The following TMEM267 variants were observed in gnomAD, a reference collection of about 807,000 sequenced individuals.
TMEM267 encodes the protein transmembrane protein C5orf28.
In TMEM267, 20 loss-of-function variants were observed where a neutral mutation model predicts 19.3. The ratio of observed to expected loss-of-function variants is 1.04; its 90% CI spans 0.73 to 1.51. TMEM267 has a LOEUF of 1.51. TMEM267 is among the 40% of genes most tolerant of loss of function. TMEM267 has a pLI of 0.00. For missense variants in TMEM267, 242 were observed against 261.9 expected (o/e 0.92, Z 0.52); for synonymous variants, 88 against 90.3 (o/e 0.97, Z 0.15).
chr5:43,481,105 A>C (rs955598577), intron 1 of TMEM267, among the ~76,000 whole-genome samples: 2 of 134,868 alleles, frequency 1.5e-5, no homozygotes, highest in African/African-American at 2.9e-5. Context: ...CGCCCGGCTT[A>C]CTTTTTTTTT....
chr5:43,459,680 G>C (rs1054236114), intron 1 of TMEM267, among the ~76,000 whole-genome samples: 1 of 152,148 alleles, frequency 6.6e-6, no homozygotes, highest in African/African-American at 2.4e-5. Flanking sequence ...ATGCTTACAT[G>C]TCAAACAACA....
chr5:43,450,818 T>C (rs1227937884), intron 2 of TMEM267, among the ~76,000 whole-genome samples: 1 of 152,102 alleles, frequency 6.6e-6, no homozygotes, highest in Non-Finnish European at 1.5e-5. Context: ...CTAACATTTA[T>C]TGTTTTTTTT....
intron 1 of TMEM267, among the ~76,000 whole-genome samples, chr5:43,456,911 T>C (rs1742985659): frequency 6.6e-6 from 1 of 152,232 alleles, no homozygotes; most frequent in Admixed American, 6.5e-5. Flanking sequence ...TCCCAAAAGC[T>C]TATGTGTACA....
chr5:43,448,790 C>CA (rs1267431734), intron 2 of TMEM267, among the ~76,000 whole-genome samples: 4 of 149,338 alleles, frequency 2.7e-5, no homozygotes, highest in African/African-American at 1.0e-4. Flanking sequence ...AACAACCCCC[C>CA]CCCACAAAAA....
intron 1 of TMEM267, among the ~76,000 whole-genome samples, chr5:43,464,079 C>A (rs1444697823): frequency 6.6e-6 from 1 of 152,154 alleles, no homozygotes; most frequent in Non-Finnish European, 1.5e-5. Flanking sequence ...CCAAAATCTC[C>A]TTAAGTTGAT....
intron 1 of TMEM267, among the ~76,000 whole-genome samples, chr5:43,460,219 T>C (rs931094736): frequency 3.3e-5 from 5 of 152,162 alleles, no homozygotes; most frequent in Non-Finnish European, 7.4e-5. Context: ...GAAGCTTCAC[T>C]TGCTAGCCTG....
rs963406774 is a variant in TMEM267, at chr5:43,471,332, A to G, written c.-75+12490T>C. Among the ~76,000 whole-genome samples the G allele has an allele frequency of 2.6e-5, 4 of 152,278 alleles. No homozygotes were observed. In the South Asian group the frequency reaches 8.3e-4, roughly 32 times the overall value. On this transcript the variant is annotated intron_variant, in intron 1 of 2. Transcript: ENST00000397080. The stretch of plus-strand genomic sequence containing the variant: ...AAAATTATCCATGTTCATGGACTGG[A>G]GGAATCAATATTGTTAAAATGTCCA...
intron 1 of TMEM267, among the ~76,000 whole-genome samples, chr5:43,461,826 A>G (rs956834997): frequency 6.6e-6 from 1 of 152,130 alleles, no homozygotes; most frequent in African/African-American, 2.4e-5. Context: ...TGACTCCCAG[A>G]TGGTACCTCT....
At position 43,462,354 on chromosome 5, in the gene TMEM267, C is replaced by A. The variant is rs141604742; in HGVS notation, c.-74-8311G>T. On this transcript the variant is annotated intron_variant, in intron 1 of 2. Coordinates refer to ENST00000397080, the MANE Select transcript of TMEM267 (RefSeq NM_022483.5). ...CGACAATGAAGCCTACAATAAATACCTAAGTCATCAATGCCCAGACACTGA... is the reference window on the plus strand; with the variant it reads ...CGACAATGAAGCCTACAATAAATACATAAGTCATCAATGCCCAGACACTGA... 1.9e-3 allele frequency among the ~76,000 whole-genome samples: 286 copies of A among 152,250 alleles called. 3 individuals are homozygous for A. Among genetic ancestry groups the A allele is most frequent in the Middle Eastern group, 0.017 (5 of 294 alleles).
intron 1 of TMEM267, among the ~76,000 whole-genome samples, chr5:43,482,452 CT>C (rs1744844190): frequency 6.6e-6 from 1 of 152,172 alleles, no homozygotes. Flanking sequence ...ATTCCTCCCC[CT>C]ACAAATAAAA....
intron 1 of TMEM267, among the ~76,000 whole-genome samples, chr5:43,464,135 A>C (rs1743460928): frequency 6.6e-6 from 1 of 152,200 alleles, no homozygotes; most frequent in Non-Finnish European, 1.5e-5. Context: ...ATGTACAAAA[A>C]TCACAAGCAT....
intron 1 of TMEM267, among the ~76,000 whole-genome samples, chr5:43,475,382 G>A (rs1744353052): frequency 6.6e-6 from 1 of 152,048 alleles, no homozygotes; most frequent in Admixed American, 6.6e-5. Flanking sequence ...TAGGTGGGTG[G>A]GGGGCTAGGG....
At chr5:43,448,833 A>G (rs911671364) in intron 2 of TMEM267, among the ~76,000 whole-genome samples, 1 of 151,948 alleles carries the variant, frequency 6.6e-6, no homozygotes, top group African/African-American at 2.4e-5. Context: ...CCTAGTAACA[A>G]ATACAAAACA....
rs1464823879 is a variant in TMEM267, at chr5:43,456,271, CA to C, written c.-74-2229del. ...CTGAATCTATATCTTACTCCATATA[CA>C]AAAATTATCTCAAAATGAATCACAA... On this transcript the variant is annotated intron_variant, in intron 1 of 2. Transcript: ENST00000397080. Among the ~76,000 whole-genome samples, 6 of 152,134 alleles carry C rather than the reference CA, an allele frequency of 3.9e-5. No individual in the cohort carries two copies. The East Asian group carries it at 1.2e-3, about 29-fold the overall frequency.
chr5:43,459,721 C>T (rs1743146889), intron 1 of TMEM267, among the ~76,000 whole-genome samples: 2 of 152,076 alleles, frequency 1.3e-5, no homozygotes, highest in Non-Finnish European at 2.9e-5. Flanking sequence ...CAATAAAAGG[C>T]ATAATCTGAA....
Position 43,473,066 on chromosome 5 carries a change from A to C in TMEM267, c.-75+10756T>G, listed in dbSNP as rs1376338365. Among the ~76,000 whole-genome samples the C allele has an allele frequency of 5.7e-5, 8 of 141,072 alleles. No homozygotes were observed. In the Admixed American group the frequency reaches 6.1e-4, roughly 11 times the overall value. The allele number at this position is 141,072 out of a possible 152,430, so 92.5% of individuals were successfully genotyped here. A position where few individuals can be genotyped will look rare whatever the true frequency, so the allele number is the denominator to read the frequency against. On this transcript the variant is annotated intron_variant, in intron 1 of 2. Coordinates refer to ENST00000397080, the MANE Select transcript of TMEM267 (RefSeq NM_022483.5). ...GGCAGGAGAATCACTCGAACCCAGG[A>C]GGCGGAGGTTGCAGCAAGACGAGAT... is the stretch of plus-strand genomic sequence containing the variant.
chr5:43,473,272 A>G (rs1374510336), intron 1 of TMEM267, among the ~76,000 whole-genome samples: 1 of 152,162 alleles, frequency 6.6e-6, no homozygotes, highest in Non-Finnish European at 1.5e-5. Flanking sequence ...CAGGCAAGAG[A>G]AAGAAATAAA....
At chr5:43,446,696 C>T (rs1742258353) in intron 2 of TMEM267, 139 bp from the exon 3 acceptor site, 1 of 482,554 alleles carries the variant, frequency 2.1e-6, no homozygotes, top group African/African-American at 2.0e-5. Flanking sequence ...CTTCAGGATA[C>T]ATATACCAAA....
intron 1 of TMEM267, among the ~76,000 whole-genome samples, chr5:43,464,887 C>T (rs1743541721): frequency 6.6e-6 from 1 of 152,268 alleles, no homozygotes; most frequent in South Asian, 2.1e-4. Context: ...ATTCAGGACA[C>T]AGGCATGGGC....
Sources: gnomAD v4.1 joint callset for allele counts (sites outside exome capture counted in the v4.1 genomes callset) on GRCh38, gnomAD v4.1.1 for gene constraint, MANE v1.5 for transcripts, NCBI Gene and HGNC (gene_info 2026-07-23, HGNC 2026-07-21) for gene names.